The following HDLBP variants were observed in gnomAD, a reference collection of about 807,000 sequenced individuals.
HDLBP encodes high density lipoprotein binding protein.
A neutral mutation model predicts 137.3 loss-of-function variants in HDLBP; 30 were observed. That is an observed-to-expected ratio of 0.22 (90% CI 0.16 to 0.30). The LOEUF (loss-of-function observed/expected upper bound fraction) is 0.30, where lower values mean the gene tolerates loss of function less well. Among genes scored for constraint, HDLBP ranks in the 10% least tolerant of loss-of-function variants. The pLI is 1.00. For missense variants in HDLBP, 1,119 were observed against 1,667.3 expected (o/e 0.67, Z 5.73); for synonymous variants, 606 against 596.0 (o/e 1.02, Z -0.24).
At chr2:241,231,862 A>G (rs1008331935) in intron 24 of HDLBP, among the ~76,000 whole-genome samples, 4 of 151,876 alleles carry the variant, frequency 2.6e-5, no homozygotes, top group Non-Finnish European at 5.9e-5. Flanking sequence ...ACAACACAAA[A>G]ACCACCATGC....
At chr2:241,289,250 A>T (rs2074931902) in intron 1 of HDLBP, among the ~76,000 whole-genome samples, 1 of 152,204 alleles carries the variant, frequency 6.6e-6, no homozygotes, top group African/African-American at 2.4e-5. Flanking sequence ...TGCTTGGCAC[A>T]TCACCCTCTT....
chr2:241,238,018 A>G lies in HDLBP; in HGVS notation c.2749+631T>C, dbSNP rs899126885. 6.6e-6 allele frequency among the ~76,000 whole-genome samples: 1 copy of G among 152,266 alleles called. No individual in the cohort carries two copies. The highest frequency in any genetic ancestry group is 2.4e-5 in the African/African-American group (1 of 41,478). ...ACCTGCCGCCCAAACAGCTCAACCA[A>G]GACTGATAACACAGAGTGGAGGGCG... On this transcript the variant is annotated intron_variant, in intron 20 of 27. Coordinates refer to ENST00000310931, the MANE Select transcript of HDLBP (RefSeq NM_005336.6). The surrounding 1 kb of genome is among the most constrained non-coding windows in gnomAD (Gnocchi z 4.9).
At chr2:241,278,970 A>T (rs2074497399) in intron 1 of HDLBP, among the ~76,000 whole-genome samples, 1 of 152,188 alleles carries the variant, frequency 6.6e-6, no homozygotes, top group African/African-American at 2.4e-5. Flanking sequence ...TGCTGCAGTG[A>T]ACCAAGATCA....
chr2:241,292,496 T>A (rs1333074009), intron 1 of HDLBP, among the ~76,000 whole-genome samples: 1 of 152,226 alleles, frequency 6.6e-6, no homozygotes, highest in Non-Finnish European at 1.5e-5. Context: ...AAAGGCTTTT[T>A]ATGACATCTG....
intron 5 of HDLBP, among the ~76,000 whole-genome samples, chr2:241,257,314 C>A (rs1474687453): frequency 1.3e-5 from 2 of 152,178 alleles, no homozygotes; most frequent in Admixed American, 1.3e-4. Flanking sequence ...CTCACTGTAA[C>A]CTCTGCCTCC....
rs1190109215 is a variant in HDLBP at position 241,238,687 on chromosome 2, C to T, written c.2711G>A (p.Ser904Asn). ...TCTGTCTGGGAATTTAATTTGAACA[C>T]TGAAATCCCGAGTAATCTGCTGGAT... ...SRIQQITRDF[S>N]VQIKFPDREE... is the part of the protein sequence containing the mutation. Residue 904 changes from serine (S) to asparagine (N), a missense_variant, in exon 20 of 28, where the codon AGT becomes AAT. Physicochemically the swap from Ser to Asn is conservative, Grantham distance 46 (BLOSUM62 1). Coordinates refer to ENST00000310931, the MANE Select transcript of HDLBP (RefSeq NM_005336.6). The surrounding 1 kb of genome is among the most constrained non-coding windows in gnomAD (Gnocchi z 4.9). 4 of 1,586,614 alleles carry T rather than the reference C, an allele frequency of 2.5e-6. No homozygotes were observed. The highest frequency in any genetic ancestry group is 1.7e-5 in the Admixed American group (1 of 58,572).
intron 1 of HDLBP, among the ~76,000 whole-genome samples, chr2:241,294,058 A>G (rs568116334): frequency 6.6e-6 from 1 of 152,352 alleles, no homozygotes; most frequent in Non-Finnish European, 1.5e-5. Context: ...ACCCGAGATT[A>G]CAATGATACA....
At chr2:241,278,104 T>A (rs2074461634) in intron 1 of HDLBP, among the ~76,000 whole-genome samples, 1 of 152,126 alleles carries the variant, frequency 6.6e-6, no homozygotes, top group Non-Finnish European at 1.5e-5. Flanking sequence ...AGTAGGTGAA[T>A]CTCACCTAGG....
chr2:241,236,859 T>C, intron 20 of HDLBP, 90 bp from the exon 21 acceptor site: 2 of 1,357,352 alleles, frequency 1.5e-6, no homozygotes, highest in Non-Finnish European at 1.0e-6. Context: ...AGGCACCTGC[T>C]GGGTGCTGGG....
At position 241,233,099 on chromosome 2, in the gene HDLBP, A is replaced by T. The variant is rs2069975280; in HGVS notation, c.3288+721T>A. 6.6e-6 allele frequency among the ~76,000 whole-genome samples: 1 copy of T among 152,180 alleles called. No individual in the cohort carries two copies. Among genetic ancestry groups the T allele is most frequent in the Non-Finnish European group, 1.5e-5 (1 of 68,014 alleles). On this transcript the variant is annotated intron_variant, in intron 24 of 27. Coordinates refer to ENST00000310931, the MANE Select transcript of HDLBP (RefSeq NM_005336.6). This position sits in a 1 kb window ranked among gnomAD's most constrained non-coding sequence, Gnocchi z 4.3. Reference sequence around the variant, plus strand: ...GGGTTTGCTGTTTCTGGAAACCAGCACAACTGTGGCCACCAAGGCTTGCTA... The same window carrying T: ...GGGTTTGCTGTTTCTGGAAACCAGCTCAACTGTGGCCACCAAGGCTTGCTA...
chr2:241,300,037 C>G (rs532849021), intron 1 of HDLBP, among the ~76,000 whole-genome samples: 2 of 152,306 alleles, frequency 1.3e-5, no homozygotes, highest in South Asian at 4.1e-4. Flanking sequence ...AAGTCTGTCA[C>G]CCAATCATTT....
chr2:241,299,642 G>A (rs1025780654), intron 1 of HDLBP, among the ~76,000 whole-genome samples: 3 of 151,952 alleles, frequency 2.0e-5, no homozygotes, highest in African/African-American at 4.8e-5. Context: ...TGGGCGGGGC[G>A]CGGTGGCTCA....
At chr2:241,300,953 T>C (rs910719019) in intron 1 of HDLBP, among the ~76,000 whole-genome samples, 10 of 20,446 alleles carry the variant, frequency 4.9e-4, no homozygotes, top group Non-Finnish European at 6.0e-4. Context: ...ACACATACTA[T>C]TATTATTATT....
intron 1 of HDLBP, among the ~76,000 whole-genome samples, chr2:241,285,610 A>T (rs1193157757): frequency 6.6e-6 from 1 of 152,240 alleles, no homozygotes; most frequent in Non-Finnish European, 1.5e-5. Context: ...AAACCTGTTT[A>T]TGCCAGTTTC....
chr2:241,274,456 C>T lies in HDLBP; in HGVS notation c.-102-5915G>A, dbSNP rs111826919. 1.1e-3 allele frequency among the ~76,000 whole-genome samples: 170 copies of T among 152,334 alleles called. 2 individuals carry two copies. Among genetic ancestry groups the T allele is most frequent in the African/African-American group, 3.6e-3 (151 of 41,572 alleles). ...TTGGTAACCTTTCCGTGGGGATTAA[C>T]CAATCAGCAACTAGTGCAAGTGTGT... On this transcript the variant is annotated intron_variant, in intron 1 of 27. Transcript: ENST00000310931.
At chr2:241,244,651 C>T (rs982101730) in intron 16 of HDLBP, among the ~76,000 whole-genome samples, 1 of 152,100 alleles carries the variant, frequency 6.6e-6, no homozygotes, top group African/African-American at 2.4e-5. Flanking sequence ...AAGTCATTAC[C>T]GGATACACAC....
At chr2:241,283,279 T>C (rs1559542507) in intron 1 of HDLBP, among the ~76,000 whole-genome samples, 1 of 152,184 alleles carries the variant, frequency 6.6e-6, no homozygotes, top group African/African-American at 2.4e-5. Flanking sequence ...AGGTTGGTTC[T>C]TGAAGTTTAA....
At chr2:241,234,647 C>T (rs1016954811) in intron 23 of HDLBP, among the ~76,000 whole-genome samples, 4 of 152,188 alleles carry the variant, frequency 2.6e-5, no homozygotes, top group African/African-American at 9.7e-5. Context: ...AGAGGCTGGG[C>T]GTCTGCAGCG....
chr2:241,284,555 G>A (rs537327609), intron 1 of HDLBP, among the ~76,000 whole-genome samples: 12 of 152,212 alleles, frequency 7.9e-5, no homozygotes, highest in African/African-American at 2.9e-4. Context: ...TGACAACAGA[G>A]GATTTAGAAT....
Sources: allele counts gnomAD v4.1 joint callset (sites outside exome capture counted in the v4.1 genomes callset), GRCh38; gene constraint gnomAD v4.1.1; non-coding constraint Gnocchi (gnomAD v3.1); transcripts MANE v1.5; gene names NCBI Gene and HGNC (gene_info 2026-07-23, HGNC 2026-07-21).